PDE3A: variants seen among roughly 807,000 people sequenced by gnomAD.
PDE3A encodes the protein cGMP-inhibited 3',5'-cyclic phosphodiesterase 3A.
A neutral mutation model predicts 98.3 loss-of-function variants in PDE3A; 43 were observed. That is an observed-to-expected ratio of 0.44 (90% CI 0.34 to 0.56). PDE3A has a LOEUF of 0.56. Among genes scored for constraint, PDE3A ranks in the 20% least tolerant of loss-of-function variants. The pLI, the probability that PDE3A is intolerant of heterozygous loss-of-function variation, is 0.01. For missense variants in PDE3A, 1,427 were observed against 1,440.7 expected, an observed-to-expected ratio of 0.99 and a Z score of 0.15; for synonymous variants, 663 against 567.9, an observed-to-expected ratio of 1.17 and a Z score of -2.38.
intron 15 of PDE3A, among the ~76,000 whole-genome samples, chr12:20,664,852 C>T (rs1477857960): frequency 1.3e-5 from 2 of 152,076 alleles, no homozygotes; most frequent in East Asian, 3.9e-4. Context: ...CTAACACACC[C>T]TCAAATATAC....
At chr12:20,533,125 A>G (rs891089489) in intron 1 of PDE3A, among the ~76,000 whole-genome samples, 1 of 152,204 alleles carries the variant, frequency 6.6e-6, no homozygotes, top group African/African-American at 2.4e-5. Flanking sequence ...TTTAGCATTT[A>G]TGTAATTAAT....
rs373046554 is a variant in PDE3A at position 20,682,013 on chromosome 12, A to C, written c.*1742A>C. ...AGTAAGAGAATGATGATTCATTTGCATGGAGGTCGATGGACAACCAATCAT... is the reference window on the plus strand; with the variant it reads ...AGTAAGAGAATGATGATTCATTTGCCTGGAGGTCGATGGACAACCAATCAT... On this transcript the variant is annotated 3_prime_UTR_variant, in exon 16 of 16. Coordinates refer to ENST00000359062, the MANE Select transcript of PDE3A (RefSeq NM_000921.5). 8.5e-5 allele frequency: 13 copies of C among 152,340 alleles called. No homozygotes were observed. The East Asian group carries it at 2.5e-3, about 29-fold the overall frequency. 9.4% of individuals were successfully genotyped at this position (152,340 alleles called of 1,614,324 possible).
chr12:20,493,642 T>C (rs1430480357), intron 1 of PDE3A, among the ~76,000 whole-genome samples: 6 of 152,148 alleles, frequency 3.9e-5, no homozygotes, highest in African/African-American at 1.2e-4. Context: ...CTTTTCTTTT[T>C]TTTTTGAGGT....
intron 15 of PDE3A, among the ~76,000 whole-genome samples, chr12:20,675,311 G>T (rs573482694): frequency 1.4e-4 from 21 of 152,076 alleles, no homozygotes; most frequent in Non-Finnish European, 2.1e-4. Flanking sequence ...AAAATGTTTT[G>T]AGACTTATTT....
intron 1 of PDE3A, among the ~76,000 whole-genome samples, chr12:20,386,410 G>T (rs913322172): frequency 3.3e-5 from 5 of 150,150 alleles, no homozygotes; most frequent in African/African-American, 1.2e-4. Flanking sequence ...TTTCATGTTT[G>T]TTGGCCACAT....
At chr12:20,419,272 A>AT (rs969888790) in intron 1 of PDE3A, among the ~76,000 whole-genome samples, 1 of 145,934 alleles carries the variant, frequency 6.9e-6, no homozygotes, top group African/African-American at 2.6e-5. Flanking sequence ...TTTTTATTTT[A>AT]TTTTTTTTGC....
chr12:20,635,595 A>AAAT (rs1491157404), intron 8 of PDE3A, among the ~76,000 whole-genome samples: 1 of 135,836 alleles, frequency 7.4e-6, no homozygotes, highest in Non-Finnish European at 1.7e-5. Context: ...AAAAAAAGAA[A>AAAT]GAAAGAAATT....
In PDE3A at chr12:20,681,719, CTTTT is replaced by C. The variant is rs955399397; in HGVS notation, c.*1454_*1457del. On this transcript the variant is annotated 3_prime_UTR_variant, in exon 16 of 16. Transcript: ENST00000359062. ...TGAAGATTGGGTTATTATTGAAAGT[CTTTT>C]TTTTTGTTTGTTTTGTTTTGGTTTG... 2.0e-5 allele frequency: 3 copies of C among 150,826 alleles called. No homozygotes were observed. Among genetic ancestry groups the C allele is most frequent in the African/African-American group, 7.3e-5 (3 of 41,036 alleles). The allele number at this position is 150,826 out of a possible 1,614,324, so 9.3% of individuals were successfully genotyped here.
At chr12:20,627,145 T>TAACAAAA (rs374264427) in intron 5 of PDE3A, among the ~76,000 whole-genome samples, 1 of 134,006 alleles carries the variant, frequency 7.5e-6, no homozygotes, top group Admixed American at 7.4e-5. Flanking sequence ...ATTGTTCTGT[T>TAACAAAA]AAAAAAAAAA....
chr12:20,602,635 A>G (rs1943618815), intron 2 of PDE3A, among the ~76,000 whole-genome samples: 1 of 152,196 alleles, frequency 6.6e-6, no homozygotes, highest in Non-Finnish European at 1.5e-5. Context: ...CTGCCCACAG[A>G]CATGTTGGGA....
intron 10 of PDE3A, among the ~76,000 whole-genome samples, chr12:20,644,164 G>A (rs750096803): frequency 2.0e-5 from 3 of 152,116 alleles, no homozygotes; most frequent in Non-Finnish European, 2.9e-5. Context: ...CCTACTCCCA[G>A]ACTGCCATTT....
At chr12:20,665,625 T>G (rs954833510) in intron 15 of PDE3A, among the ~76,000 whole-genome samples, 2 of 152,128 alleles carry the variant, frequency 1.3e-5, no homozygotes, top group African/African-American at 4.8e-5. Context: ...TTATTCAGAT[T>G]AATAGACAGA....
chr12:20,517,794 T>C (rs907740372), intron 1 of PDE3A, among the ~76,000 whole-genome samples: 2 of 152,170 alleles, frequency 1.3e-5, no homozygotes, highest in African/African-American at 2.4e-5. Context: ...ACTTTGACAA[T>C]GGTTGTCAAA....
At position 20,602,788 on chromosome 12, in the gene PDE3A, C is replaced by T. The variant is rs968149806; in HGVS notation, c.1012-10655C>T. 2.6e-5 allele frequency among the ~76,000 whole-genome samples: 4 copies of T among 152,268 alleles called. 1 individual carries two copies. In the South Asian group the frequency reaches 6.2e-4, roughly 24 times the overall value. On this transcript the variant is annotated intron_variant, in intron 2 of 15. Transcript: ENST00000359062. ...CTGCTTCCTTAGGATGGCCTTTAGCCAAGGTTCAGCCTACAATGAGTTACT... is the reference window on the plus strand; with the variant it reads ...CTGCTTCCTTAGGATGGCCTTTAGCTAAGGTTCAGCCTACAATGAGTTACT...
chr12:20,472,960 T>C (rs1311506935), intron 1 of PDE3A, among the ~76,000 whole-genome samples: 1 of 152,154 alleles, frequency 6.6e-6, no homozygotes, highest in Non-Finnish European at 1.5e-5. Context: ...ATTAACATAT[T>C]GTAAATGATA....
At chr12:20,648,402 GA>G (rs898492403) in intron 12 of PDE3A, among the ~76,000 whole-genome samples, 3 of 150,920 alleles carry the variant, frequency 2.0e-5, no homozygotes, top group Non-Finnish European at 4.4e-5. Context: ...GAAATCTAAA[GA>G]AAAAATCTTT....
chr12:20,554,003 CT>C (rs1184691647), intron 1 of PDE3A, among the ~76,000 whole-genome samples: 1 of 149,702 alleles, frequency 6.7e-6, no homozygotes, highest in Non-Finnish European at 1.5e-5. Context: ...ATTTTTTTTT[CT>C]CTTAATGAAC....
At chr12:20,486,301 A>T (rs985165040) in intron 1 of PDE3A, among the ~76,000 whole-genome samples, 1 of 152,100 alleles carries the variant, frequency 6.6e-6, no homozygotes, top group Non-Finnish European at 1.5e-5. Flanking sequence ...AGGAAGGAGA[A>T]TGAACACAGG....
intron 2 of PDE3A, among the ~76,000 whole-genome samples, chr12:20,575,484 A>G (rs1459517202): frequency 6.6e-6 from 1 of 152,094 alleles, no homozygotes; most frequent in Non-Finnish European, 1.5e-5. Flanking sequence ...TTTGCCTTGC[A>G]ACTTGGTTTT....
Sources: allele counts gnomAD v4.1 joint callset (sites outside exome capture counted in the v4.1 genomes callset), GRCh38; gene constraint gnomAD v4.1.1; transcripts MANE v1.5; gene names NCBI Gene and HGNC (gene_info 2026-07-23, HGNC 2026-07-21).